The following PDE4C variants were observed in gnomAD, a reference collection of about 807,000 sequenced individuals.
PDE4C encodes the protein phosphodiesterase 4C, also known as 3',5'-cyclic-AMP phosphodiesterase 4C.
Under a neutral mutation model 63.9 loss-of-function variants are expected in PDE4C, and 50 were observed. The observed-to-expected ratio is 0.78, with a 90% CI of 0.62 to 0.99. The LOEUF (loss-of-function observed/expected upper bound fraction) is 0.99. Among genes scored for constraint, PDE4C ranks in the 50% least tolerant of loss-of-function variants. The pLI is 0.00. For missense variants in PDE4C, 777 were observed against 899.1 expected, an observed-to-expected ratio of 0.86 and a Z score of 1.74; for synonymous variants, 377 against 385.1, an observed-to-expected ratio of 0.98 and a Z score of 0.25.
At chr19:18,251,706 G>GCCCCCGCCCCCGCCCCCGCCCCCGT (rs1434244232), upstream of PDE4C, among the ~76,000 whole-genome samples, 1 of 35,456 alleles carries the variant, frequency 2.8e-5, no homozygotes, top group Non-Finnish European at 6.0e-5. Flanking sequence ...CCCGCCCTCG[G>GCCCCCGCCCCCGCCCCCGCCCCCGT]CCTCCCAAAG....
chr19:18,207,969 G>A (rs1967755425), downstream of PDE4C: 1 of 152,158 alleles, frequency 6.6e-6, no homozygotes, highest in Admixed American at 6.5e-5. Flanking sequence ...CATGGGTGGA[G>A]ATACAGCAGA....
chr19:18,222,406 C>G, intron 1 of PDE4C, 83 bp from the exon 2 acceptor site: 1 of 1,281,174 alleles, frequency 7.8e-7, no homozygotes, highest in Non-Finnish European at 1.1e-6. Context: ...GGTGCGTCCT[C>G]CCTGGGGCTG....
the PDE4C span, among the ~76,000 whole-genome samples, chr19:18,253,989 C>T: frequency 6.6e-6 from 1 of 152,166 alleles, no homozygotes; most frequent in Non-Finnish European, 1.5e-5. Flanking sequence ...AGCAGAAATG[C>T]GGAAATAACA....
At chr19:18,253,386 A>G in the PDE4C span, among the ~76,000 whole-genome samples, 1 of 152,108 alleles carries the variant, frequency 6.6e-6, no homozygotes, top group African/African-American at 2.4e-5. Context: ...TTGTCTCTAC[A>G]AAAAAATAAA....
chr19:18,253,563 A>AAC, the PDE4C span, among the ~76,000 whole-genome samples: 55,159 of 141,470 alleles, frequency 0.39, 12,819 homozygotes, highest in Non-Finnish European at 0.51. Context: ...AAAAAAAAAA[A>AAC]ACACACACAC....
At chr19:18,229,780 G>A (rs529103447), upstream of PDE4C, among the ~76,000 whole-genome samples, 3 of 152,066 alleles carry the variant, frequency 2.0e-5, no homozygotes, top group East Asian at 1.9e-4. Context: ...GTAGATGTTC[G>A]CATGGGTCAA....
chr19:18,213,955 CT>C (rs1968082254), intron 12 of PDE4C, among the ~76,000 whole-genome samples: 1 of 152,210 alleles, frequency 6.6e-6, no homozygotes, highest in Admixed American at 6.5e-5. Flanking sequence ...CTTCAAAGCC[CT>C]TTTCAAATAA....
downstream of PDE4C, chr19:18,208,381 TC>T (rs1193762850): frequency 6.6e-6 from 1 of 152,230 alleles, no homozygotes; most frequent in East Asian, 1.9e-4. Flanking sequence ...TGCTGCCCAG[TC>T]CGCTCGGAGG....
At chr19:18,235,081 C>A (rs1968927765), upstream of PDE4C, among the ~76,000 whole-genome samples, 3 of 152,166 alleles carry the variant, frequency 2.0e-5, no homozygotes, top group African/African-American at 7.2e-5. Flanking sequence ...AAAAGTGATG[C>A]CAGATGTAAA....
At chr19:18,254,660 T>G in the PDE4C span, among the ~76,000 whole-genome samples, 1 of 152,092 alleles carries the variant, frequency 6.6e-6, no homozygotes, top group East Asian at 1.9e-4. Context: ...CTATTACAGG[T>G]CTGTGGGGTA....
At chr19:18,240,425 CAA>C (rs35192077) in intron 1 of PDE4C, among the ~76,000 whole-genome samples, 2 of 114,338 alleles carry the variant, frequency 1.7e-5, no homozygotes, top group Admixed American at 9.5e-5. Flanking sequence ...GAAACTCTGT[CAA>C]AAAAAAAAAA....
At chr19:18,228,804 A>G (rs898488984), upstream of PDE4C, among the ~76,000 whole-genome samples, 1 of 152,186 alleles carries the variant, frequency 6.6e-6, no homozygotes, top group Non-Finnish European at 1.5e-5. Context: ...CCGCTGGGTA[A>G]GGGACAAAAG....
exon 12 of PDE4C, chr19:18,216,833 C>T: frequency 6.2e-7 from 1 of 1,614,172 alleles, no homozygotes; most frequent in Non-Finnish European, 8.5e-7. Flanking sequence ...AGCTTGAAGC[C>T]CACAGCCAGG....
upstream of PDE4C, among the ~76,000 whole-genome samples, chr19:18,252,850 A>G (rs1404560549): frequency 6.6e-6 from 1 of 152,142 alleles, no homozygotes; most frequent in African/African-American, 2.4e-5. Flanking sequence ...CAGATGATCC[A>G]CCTGCCTTGG....
chr19:18,227,627 G>T (rs1168585080), upstream of PDE4C, among the ~76,000 whole-genome samples: 1 of 152,148 alleles, frequency 6.6e-6, no homozygotes, highest in African/African-American at 2.4e-5. Flanking sequence ...GGAAACCAAG[G>T]CTTAGCATGT....
At chr19:18,246,109 G>C (rs191491930) in intron 1 of PDE4C, among the ~76,000 whole-genome samples, 1 of 149,838 alleles carries the variant, frequency 6.7e-6, no homozygotes, top group Admixed American at 6.7e-5. Flanking sequence ...CCTGCCTTCC[G>C]GGTTCAAGCG....
chr19:18,243,128 A>G (rs538954703), intron 1 of PDE4C, among the ~76,000 whole-genome samples: 2 of 151,926 alleles, frequency 1.3e-5, no homozygotes, highest in Non-Finnish European at 2.9e-5. Context: ...TTCTTTCGAG[A>G]CAGAGTTTCG....
intron 12 of PDE4C, among the ~76,000 whole-genome samples, chr19:18,215,564 G>T (rs1053625108): frequency 1.3e-5 from 2 of 151,482 alleles, no homozygotes; most frequent in African/African-American, 4.9e-5. Context: ...TTGCCAGGCT[G>T]GAATGCAGTG....
chr19:18,231,295 G>T (rs193286565), upstream of PDE4C, among the ~76,000 whole-genome samples: 1 of 152,208 alleles, frequency 6.6e-6, no homozygotes, highest in Non-Finnish European at 1.5e-5. Flanking sequence ...GCACACACAC[G>T]TGCACAGGGA....
Sources: allele counts gnomAD v4.1 joint callset (sites outside exome capture counted in the v4.1 genomes callset), GRCh38; gene constraint gnomAD v4.1.1; transcripts MANE v1.5; gene names NCBI Gene and HGNC (gene_info 2026-07-23, HGNC 2026-07-21).